The following MBNL2 variants were observed in gnomAD, a reference collection of about 807,000 sequenced individuals.
The protein encoded by MBNL2 is muscleblind like splicing regulator 2, also known as muscleblind-like protein 2.
A neutral mutation model predicts 41.9 loss-of-function variants in MBNL2; 17 were observed. The ratio of observed to expected loss-of-function variants is 0.41; its 90% CI spans 0.28 to 0.61. MBNL2 has a LOEUF of 0.61. Ranked by LOEUF, MBNL2 falls within the 20% of genes least tolerant of loss-of-function variation. The pLI is 0.35. For synonymous variants in MBNL2, 195 were observed against 182.9 expected (o/e 1.07, Z -0.53); for missense variants, 336 against 505.6 (o/e 0.66, Z 3.22).
chr13:97,312,262 C>A (rs979871054), intron 2 of MBNL2, among the ~76,000 whole-genome samples: 2 of 152,212 alleles, frequency 1.3e-5, no homozygotes, highest in African/African-American at 2.4e-5. Context: ...AAAACATCAT[C>A]TCAGTTGTTA....
intron 1 of MBNL2, among the ~76,000 whole-genome samples, chr13:97,248,694 T>C (rs112517838): frequency 1.3e-5 from 2 of 152,342 alleles, no homozygotes; most frequent in African/African-American, 4.8e-5. Flanking sequence ...AAAATCAAGA[T>C]AACTTTTTTT....
intron 1 of MBNL2, among the ~76,000 whole-genome samples, chr13:97,224,929 A>G (rs2041374879): frequency 6.6e-6 from 1 of 152,274 alleles, no homozygotes; most frequent in African/African-American, 2.4e-5. Flanking sequence ...TTCTGGCCAC[A>G]GGCCTTGTAG....
At chr13:97,262,736 C>T (rs1421408052) in intron 1 of MBNL2, among the ~76,000 whole-genome samples, 9 of 151,952 alleles carry the variant, frequency 5.9e-5, no homozygotes, top group Non-Finnish European at 1.3e-4. Flanking sequence ...CACACAGGAC[C>T]CACATTTTGA....
chr13:97,270,936 G>A (rs559945146), intron 1 of MBNL2, among the ~76,000 whole-genome samples: 6 of 152,168 alleles, frequency 3.9e-5, no homozygotes, highest in South Asian at 2.1e-4. Context: ...AACAGTAGCC[G>A]TATAGCTTTT....
chr13:97,255,722 A>G (rs186520150), intron 1 of MBNL2, among the ~76,000 whole-genome samples: 3 of 152,314 alleles, frequency 2.0e-5, no homozygotes, highest in Non-Finnish European at 4.4e-5. Flanking sequence ...TATTCAAGAA[A>G]CTGTTTAGGA....
At chr13:97,261,426 C>G (rs2048608502) in intron 1 of MBNL2, among the ~76,000 whole-genome samples, 1 of 152,186 alleles carries the variant, frequency 6.6e-6, no homozygotes. Context: ...TCCATGTGTA[C>G]TAGCCTCATA....
chr13:97,218,441 A>AAAACAAAACAAAAC (rs759042796), upstream of MBNL2, among the ~76,000 whole-genome samples: 5 of 24,118 alleles, frequency 2.1e-4, no homozygotes, highest in African/African-American at 3.9e-4. Flanking sequence ...AAAACAAAAC[A>AAAACAAAACAAAAC]AAAAAAAAAA....
chr13:97,198,395 G>A, the MBNL2 span, among the ~76,000 whole-genome samples: 2 of 151,490 alleles, frequency 1.3e-5, no homozygotes, highest in Non-Finnish European at 2.9e-5. Context: ...TCTCCAGCTT[G>A]CTGACTCACC....
At chr13:97,199,128 C>T in the MBNL2 span, among the ~76,000 whole-genome samples, 1 of 152,080 alleles carries the variant, frequency 6.6e-6, no homozygotes, top group South Asian at 2.1e-4. Context: ...TTCAAACATG[C>T]CCAGCCTCCT....
At chr13:97,319,850 T>C (rs2059357471) in intron 2 of MBNL2, among the ~76,000 whole-genome samples, 1 of 152,222 alleles carries the variant, frequency 6.6e-6, no homozygotes, top group Non-Finnish European at 1.5e-5. Flanking sequence ...ATCTCTTCTA[T>C]TAAATCTTCC....
chr13:97,321,123 G>A (rs914081213), intron 2 of MBNL2, among the ~76,000 whole-genome samples: 9 of 152,168 alleles, frequency 5.9e-5, no homozygotes, highest in Non-Finnish European at 1.0e-4. Flanking sequence ...TGTGGGTTAG[G>A]ACTTCCACAT....
At chr13:97,164,306 T>C in the MBNL2 span, among the ~76,000 whole-genome samples, 1 of 152,080 alleles carries the variant, frequency 6.6e-6, no homozygotes, top group Non-Finnish European at 1.5e-5. Flanking sequence ...CCGCACCCAG[T>C]TGGTTATATT....
At chr13:97,215,956 G>A in the MBNL2 span, among the ~76,000 whole-genome samples, 1 of 152,180 alleles carries the variant, frequency 6.6e-6, no homozygotes, top group Non-Finnish European at 1.5e-5. Flanking sequence ...ATTGAGCACT[G>A]CTATGTACCA....
At position 97,343,179 on chromosome 13, in the gene MBNL2, C is replaced by G. The variant is rs763473330; in HGVS notation, c.503C>G (p.Thr168Ser). 2 of 1,612,870 alleles carry G rather than the reference C, an allele frequency of 1.2e-6. No homozygotes were observed. Among genetic ancestry groups the G allele is most frequent in the Non-Finnish European group, 1.7e-6 (2 of 1,179,578 alleles). Residue 168 changes from threonine to serine, a missense_variant, in exon 4 of 9, where the codon ACT becomes AGT. Transcript: ENST00000679496. The stretch of plus-strand genomic sequence containing the variant: ...CCACCGGTCACTGTCCCGGGCTCAA[C>G]TGCAACTCAGAAACTTCTCAGGACT... Reference protein sequence around the residue: ...GSPPVTVPGSTATQKLLRTDK... With the variant: ...GSPPVTVPGSSATQKLLRTDK...
At chr13:97,310,894 C>T (rs1170009849) in intron 2 of MBNL2, among the ~76,000 whole-genome samples, 3 of 150,526 alleles carry the variant, frequency 2.0e-5, no homozygotes, top group African/African-American at 7.4e-5. Flanking sequence ...AGAACTTTAG[C>T]TCTGAGTTTC....
chr13:97,144,139 C>T, the MBNL2 span, among the ~76,000 whole-genome samples: 7 of 151,668 alleles, frequency 4.6e-5, no homozygotes, highest in South Asian at 2.1e-4. Context: ...CCACCACGCC[C>T]GGCTGTGTTT....
the MBNL2 span, among the ~76,000 whole-genome samples, chr13:97,213,969 C>T: frequency 1.3e-5 from 2 of 152,358 alleles, no homozygotes; most frequent in South Asian, 4.1e-4. Context: ...ACAATGTCTT[C>T]ATCAGGCAGC....
chr13:97,149,141 G>A, the MBNL2 span, among the ~76,000 whole-genome samples: 1 of 152,120 alleles, frequency 6.6e-6, no homozygotes, highest in East Asian at 1.9e-4. Flanking sequence ...TAAAACAGAG[G>A]GGAGAGAAAG....
intron 1 of MBNL2, among the ~76,000 whole-genome samples, chr13:97,226,097 G>A (rs889857468): frequency 1.3e-5 from 2 of 152,078 alleles, no homozygotes; most frequent in African/African-American, 4.8e-5. Context: ...AGAGCCAAAG[G>A]TGCTGCGTGG....
Sources: gnomAD v4.1 joint callset for allele counts (sites outside exome capture counted in the v4.1 genomes callset) on GRCh38, gnomAD v4.1.1 for gene constraint, MANE v1.5 for transcripts, NCBI Gene and HGNC (gene_info 2026-07-23, HGNC 2026-07-21) for gene names.